INTS2: variants seen among roughly 807,000 people sequenced by gnomAD.
The protein encoded by INTS2 is integrator complex subunit 2, also known as KIAA1287.
Under a neutral mutation model 139.6 loss-of-function variants are expected in INTS2, and 57 were observed. That is an observed-to-expected ratio of 0.41 (90% CI 0.33 to 0.51). The LOEUF is 0.51. Ranked by LOEUF, INTS2 falls within the 20% of genes least tolerant of loss-of-function variation. The pLI is 0.28. For missense variants in INTS2, 1,196 were observed against 1,436.7 expected (o/e 0.83, Z 2.71); for synonymous variants, 473 against 493.4 (o/e 0.96, Z 0.55).
At chr17:61,878,931 C>CAAAAAAAAAAAAA (rs35652350) in intron 17 of INTS2, among the ~76,000 whole-genome samples, 1 of 46,648 alleles carries the variant, frequency 2.1e-5, no homozygotes, top group African/African-American at 1.0e-4. Flanking sequence ...ACCCTGTCTC[C>CAAAAAAAAAAAAA]AAAAAAAAAA....
intron 17 of INTS2, 50 bp downstream of exon 17, chr17:61,880,957 T>C: frequency 2.9e-6 from 4 of 1,390,586 alleles, no homozygotes; most frequent in Non-Finnish European, 4.0e-6. Flanking sequence ...TAGCCTAGCA[T>C]CTCCTTGTAC....
chr17:61,897,080 A>G lies in INTS2; in HGVS notation c.1494+389T>C, dbSNP rs1381323592. 6.6e-6 allele frequency among the ~76,000 whole-genome samples: 1 copy of G among 152,176 alleles called. No homozygotes were observed. The highest frequency in any genetic ancestry group is 1.5e-5 in the Non-Finnish European group (1 of 68,018). On this transcript the variant is annotated intron_variant, in intron 11 of 24. Transcript: ENST00000251334. The surrounding 1 kb of genome is among the most constrained non-coding windows in gnomAD (Gnocchi z 4.4). ...AGAAGATCAAACAATGGACTATAAG[A>G]CAATGCAGTCATTAAAAATTATACT...
chr17:61,919,367 C>T (rs558334387), intron 5 of INTS2, 33 bp downstream of exon 5: 1 of 1,099,172 alleles, frequency 9.1e-7, no homozygotes, highest in African/African-American at 1.6e-5. Flanking sequence ...CCAAGCAAGT[C>T]TTTTCAATAT....
At chr17:61,896,860 T>C (rs2145936036) in intron 11 of INTS2, among the ~76,000 whole-genome samples, 1 of 152,308 alleles carries the variant, frequency 6.6e-6, no homozygotes, top group East Asian at 1.9e-4. Flanking sequence ...ACAGTACTCA[T>C]GAAACACCTT....
At position 61,904,579 on chromosome 17, in the gene INTS2, A is replaced by T. The variant is rs1271615073; in HGVS notation, c.1188T>A (p.Thr396=). 1 of 1,609,948 alleles carries T rather than the reference A, an allele frequency of 6.2e-7. No individual in the cohort carries two copies. Among genetic ancestry groups the T allele is most frequent in the Non-Finnish European group, 8.5e-7 (1 of 1,178,504 alleles). The part of the protein sequence containing the change: ...ALMGIAGLKP[T]EEEAEQLLQL... ...GCAGTAATTGCTCAGCTTCTTCTTCAGTTGGTCTAAAAAGGAATACATCAT... is the reference window on the plus strand; with the variant it reads ...GCAGTAATTGCTCAGCTTCTTCTTCTGTTGGTCTAAAAAGGAATACATCAT... Residue 396 remains threonine (T), a synonymous_variant, in exon 9 of 25, where the codon ACT becomes ACA. Coordinates refer to ENST00000251334, the MANE Select transcript of INTS2 (RefSeq NM_001351695.2).
rs1389337895 is a variant in INTS2, at chr17:61,872,926, A to C, written c.2583-466T>G. 6.6e-6 allele frequency among the ~76,000 whole-genome samples: 1 copy of C among 152,202 alleles called. No homozygotes were observed. Among genetic ancestry groups the C allele is most frequent in the African/African-American group, 2.4e-5 (1 of 41,468 alleles). On this transcript the variant is annotated intron_variant, in intron 19 of 24. Transcript: ENST00000251334. This position sits in a 1 kb window ranked among gnomAD's most constrained non-coding sequence, Gnocchi z 4.8. Reference sequence around the variant, plus strand: ...AAATGGGAATCTATTTTCACCTATCAAATTGGAAAACATTATATCAAATAG... The same window carrying C: ...AAATGGGAATCTATTTTCACCTATCCAATTGGAAAACATTATATCAAATAG...
intron 15 of INTS2, among the ~76,000 whole-genome samples, chr17:61,889,215 T>C (rs182937375): frequency 2.6e-4 from 39 of 151,964 alleles, no homozygotes; most frequent in African/African-American, 8.0e-4. Flanking sequence ...ACCTCCTGAG[T>C]AGCTGGGATT....
chr17:61,913,425 AG>A (rs2079547966), intron 5 of INTS2, among the ~76,000 whole-genome samples: 2 of 151,508 alleles, frequency 1.3e-5, no homozygotes, highest in South Asian at 2.1e-4. Context: ...AACTTTACAG[AG>A]GAACAAAGAT....
Position 61,907,496 on chromosome 17 carries a change from C to A in INTS2, c.1093G>T (p.Val365Leu), listed in dbSNP as rs1455488338. The change falls in exon 8 of 25, where the codon GTG becomes TTG. Residue 365 changes from valine (V) to leucine (L), a missense_variant. Physicochemically the swap from Val to Leu is conservative, Grantham distance 32. Transcript: ENST00000251334. ...TGCTCTTCTTTCAGCCCCGAATACACAGACACATTGGGCTCCATATCCACA... is the reference window on the plus strand; with the variant it reads ...TGCTCTTCTTTCAGCCCCGAATACAAAGACACATTGGGCTCCATATCCACA... ...ADVDMEPNVS[V>L]YSGLKEEHVV... 6.2e-7 allele frequency: 1 copy of A among 1,602,606 alleles called. No individual in the cohort carries two copies. The highest frequency in any genetic ancestry group is 1.7e-4 in the Middle Eastern group (1 of 6,054).
Position 61,867,402 on chromosome 17 carries a change from C to T in INTS2, c.*155G>A. 2.3e-6 allele frequency: 1 copy of T among 442,512 alleles called. No individual in the cohort carries two copies. The highest frequency in any genetic ancestry group is 4.0e-6 in the Non-Finnish European group (1 of 253,092). The allele number at this position is 442,512 out of a possible 1,614,324, so 27.4% of individuals were successfully genotyped here. On this transcript the variant is annotated 3_prime_UTR_variant, in exon 25 of 25. Coordinates refer to ENST00000251334, the MANE Select transcript of INTS2 (RefSeq NM_001351695.2). The surrounding 1 kb of genome is among the most constrained non-coding windows in gnomAD (Gnocchi z 5.6). ...ATCAGAAACAAGCAAGCATAATTCT[C>T]ATAAAGTTCTAAACTATACTCATGT...
rs1481212935 is a variant in INTS2, at chr17:61,868,266, AC to A, written c.3245-258del. On this transcript the variant is annotated intron_variant, in intron 23 of 24. Coordinates refer to ENST00000251334, the MANE Select transcript of INTS2 (RefSeq NM_001351695.2). This position sits in a 1 kb window ranked among gnomAD's most constrained non-coding sequence, Gnocchi z 4.7. ...CTACAATCTTATGAATGACCAAAGT[AC>A]TATTATGACACTCATTTTATATATG... is the stretch of plus-strand genomic sequence containing the variant. Among the ~76,000 whole-genome samples the A allele has an allele frequency of 1.3e-5, 2 of 152,156 alleles. No individual in the cohort carries two copies. The highest frequency in any genetic ancestry group is 3.8e-4 in the East Asian group (2 of 5,202).
intron 7 of INTS2, chr17:61,911,281 A>C: frequency 2.2e-6 from 1 of 451,356 alleles, no homozygotes; most frequent in South Asian, 6.5e-5. Flanking sequence ...AAAGAACTAA[A>C]TAAATATTTC....
intron 19 of INTS2, among the ~76,000 whole-genome samples, chr17:61,874,566 G>A (rs925855374): frequency 2.0e-5 from 3 of 152,048 alleles, no homozygotes; most frequent in African/African-American, 4.8e-5. Context: ...CGCAGGTAAC[G>A]GTTCACAAGA....
chr17:61,891,932 T>C (rs1021970635), intron 13 of INTS2, among the ~76,000 whole-genome samples: 17 of 152,164 alleles, frequency 1.1e-4, no homozygotes, highest in Admixed American at 8.5e-4. Flanking sequence ...GTTTAATCTA[T>C]TAGTTTTTAA....
At chr17:61,914,702 C>CAA (rs58141533) in intron 5 of INTS2, among the ~76,000 whole-genome samples, 143 of 49,112 alleles carry the variant, frequency 2.9e-3, no homozygotes, top group African/African-American at 7.4e-3. Context: ...GACTCCGTCT[C>CAA]AAAAAAAAAA....
At chr17:61,912,091 T>C in intron 5 of INTS2, 21 bp from the exon 6 acceptor site, 1 of 1,607,996 alleles carries the variant, frequency 6.2e-7, no homozygotes, top group Non-Finnish European at 8.5e-7. Flanking sequence ...AGAAACCATC[T>C]TCTTCAGCCT....
At chr17:61,904,812 G>A (rs1301496101) in intron 8 of INTS2, among the ~76,000 whole-genome samples, 1 of 152,108 alleles carries the variant, frequency 6.6e-6, no homozygotes, top group Non-Finnish European at 1.5e-5. Flanking sequence ...CCTGTAGTGT[G>A]AGACCATAAA....
At chr17:61,919,727 T>C (rs889616213) in intron 4 of INTS2, among the ~76,000 whole-genome samples, 2 of 151,930 alleles carry the variant, frequency 1.3e-5, no homozygotes, top group Non-Finnish European at 2.9e-5. Context: ...TAAAGAGTGA[T>C]ATTTCTTTTT....
rs796231701 is a variant in INTS2 at position 61,872,179 on chromosome 17, C to A, written c.2778+86G>T. The stretch of plus-strand genomic sequence containing the variant: ...CAATATGTCACCAATGTACATGGAG[C>A]GCACAATGTGCCATCTATTGAACTG... On this transcript the variant is annotated intron_variant, in intron 20 of 24. Transcript: ENST00000251334. The surrounding 1 kb of genome is among the most constrained non-coding windows in gnomAD (Gnocchi z 4.8). 26 of 721,112 alleles carry A rather than the reference C, an allele frequency of 3.6e-5. No homozygotes were observed. In the African/African-American group the frequency reaches 4.5e-4, roughly 13 times the overall value. The allele number at this position is 721,112 out of a possible 1,614,324, so 44.7% of individuals were successfully genotyped here.
Sources: allele counts gnomAD v4.1 joint callset (sites outside exome capture counted in the v4.1 genomes callset), GRCh38; gene constraint gnomAD v4.1.1; non-coding constraint Gnocchi (gnomAD v3.1); transcripts MANE v1.5; gene names NCBI Gene and HGNC (gene_info 2026-07-23, HGNC 2026-07-21).